The following EPGN variants were observed in gnomAD, a reference collection of about 807,000 sequenced individuals.
EPGN encodes epigen.
In EPGN, 21 loss-of-function variants were observed where a neutral mutation model predicts 20.7. The ratio of observed to expected loss-of-function variants is 1.01; its 90% CI spans 0.72 to 1.46. EPGN has a LOEUF of 1.46. EPGN is among the 40% of genes most tolerant of loss of function. The pLI, the probability that EPGN is intolerant of heterozygous loss-of-function variation, is 0.00. For missense variants in EPGN, 199 were observed against 180.7 expected (o/e 1.10, Z -0.58); for synonymous variants, 69 against 63.8 (o/e 1.08, Z -0.39).
In EPGN at chr4:74,314,685, C is replaced by A; in HGVS notation, c.*48C>A. 1 of 1,496,174 alleles carries A rather than the reference C, an allele frequency of 6.7e-7. No individual in the cohort carries two copies. Among genetic ancestry groups the A allele is most frequent in the Non-Finnish European group, 8.9e-7 (1 of 1,118,120 alleles). 92.7% of individuals were successfully genotyped at this position (1,496,174 alleles called of 1,614,324 possible). A position where few individuals can be genotyped will look rare whatever the true frequency, so the allele number is the denominator to read the frequency against. ...CAAGGCATCTGTAGAGATCAGTGAG[C>A]CCAAAATTAAAGTTTTCAGATGAAA... On this transcript the variant is annotated 3_prime_UTR_variant, in exon 5 of 5. Transcript: ENST00000413830.
intron 4 of EPGN, 101 bp downstream of exon 4, chr4:74,313,271 T>C: frequency 2.8e-6 from 4 of 1,428,912 alleles, no homozygotes; most frequent in Non-Finnish European, 3.6e-6. Flanking sequence ...TAAAATTTTT[T>C]TAATTAAAAA....
In EPGN at chr4:74,313,205, T is replaced by G. The variant is rs768540442; in HGVS notation, c.407+35T>G. ...AGACAAAATATGAAGTCACTTCATATGCAATCGTTTGACAAATAGTTATTC... is the reference window on the plus strand; with the variant it reads ...AGACAAAATATGAAGTCACTTCATAGGCAATCGTTTGACAAATAGTTATTC... On this transcript the variant is annotated intron_variant, in intron 4 of 4. Transcript: ENST00000413830. 7 of 1,588,784 alleles carry G rather than the reference T, an allele frequency of 4.4e-6. No individual in the cohort carries two copies. In the East Asian group the frequency reaches 1.4e-4, roughly 31 times the overall value.
Position 74,314,630 on chromosome 4 carries a change from C to T in EPGN, c.458C>T (p.Pro153Leu). 1 of 1,535,904 alleles carries T rather than the reference C, an allele frequency of 6.5e-7. No homozygotes were observed. Among genetic ancestry groups the T allele is most frequent in the Non-Finnish European group, 8.7e-7 (1 of 1,146,786 alleles). Residue 153 changes from proline to leucine, a missense_variant, in exon 5 of 5, where the codon CCA becomes CTA. Pro to Leu is a moderately conservative substitution (Grantham distance 98). Coordinates refer to ENST00000413830, the MANE Select transcript of EPGN (RefSeq NM_001270989.2). The stretch of plus-strand genomic sequence containing the variant: ...AATGTCTGTTCTGGAGAAAGACGAC[C>T]ACTGTGAGGCCTTTGTGAAGAATTT... ...PYNVCSGERR[P>L]L
Position 74,314,481 on chromosome 4 carries a change from G to A in EPGN, c.408-99G>A, listed in dbSNP as rs148006438. 4.1e-4 allele frequency: 478 copies of A among 1,177,122 alleles called. 4 individuals are homozygous for A. In the East Asian group the frequency reaches 9.8e-3, roughly 24 times the overall value. 72.9% of individuals were successfully genotyped at this position (1,177,122 alleles called of 1,614,324 possible). A position where few individuals can be genotyped will look rare whatever the true frequency, so the allele number is the denominator to read the frequency against. ...CCAATGGGTAAAGGGGATCTGGGTGGGACACCAAGAGCAACTGCTGCAGGG... is the reference window on the plus strand; with the variant it reads ...CCAATGGGTAAAGGGGATCTGGGTGAGACACCAAGAGCAACTGCTGCAGGG... On this transcript the variant is annotated intron_variant, in intron 4 of 4. Transcript: ENST00000413830.
intron 4 of EPGN, chr4:74,314,172 A>G (rs1436829922): frequency 2.2e-6 from 1 of 461,622 alleles, no homozygotes; most frequent in Non-Finnish European, 4.3e-6. Context: ...GAGCACAAGA[A>G]GAAGCTAAGC....
intron 2 of EPGN, 94 bp from the exon 3 acceptor site, chr4:74,312,091 C>G: frequency 1.4e-6 from 2 of 1,394,234 alleles, no homozygotes. Flanking sequence ...CCCCAAATAT[C>G]CTTAAAATTA....
At chr4:74,314,297 C>A in intron 4 of EPGN, 1 of 528,832 alleles carries the variant, frequency 1.9e-6, no homozygotes, top group Admixed American at 2.8e-5. Context: ...TTTCAATATC[C>A]CATATTATTC....
chr4:74,314,327 G>A (rs1751158714), intron 4 of EPGN: 2 of 574,704 alleles, frequency 3.5e-6, no homozygotes, highest in African/African-American at 3.7e-5. Context: ...TTCATGTGGG[G>A]TAAGGAACAG....
Position 74,313,570 on chromosome 4 carries a change from C to A in EPGN, c.407+400C>A. On this transcript the variant is annotated intron_variant, in intron 4 of 4. Transcript: ENST00000413830. ...AAATATTTGTTGAGTGAAATAAAAT[C>A]AAGAAACAAGTAAAAACTGAATAAA... 4 of 1,038,844 alleles carry A rather than the reference C, an allele frequency of 3.9e-6. No individual in the cohort carries two copies. In the South Asian group the frequency reaches 1.8e-4, roughly 47 times the overall value. The allele number at this position is 1,038,844 out of a possible 1,614,324, so 64.4% of individuals were successfully genotyped here.
In EPGN at chr4:74,312,998, CTT is replaced by C; in HGVS notation, c.255-14_255-13del. On this transcript the variant is annotated intron_variant, in intron 3 of 4. Coordinates refer to ENST00000413830, the MANE Select transcript of EPGN (RefSeq NM_001270989.2). ...TACCACCGTAGGTTTTAAAATTAAA[CTT>C]TTTTTCTTTTTTTAAAGGTGTTTTA... 1 of 1,565,370 alleles carries C rather than the reference CTT, an allele frequency of 6.4e-7. No homozygotes were observed.
intron 4 of EPGN, 175 bp downstream of exon 4, chr4:74,313,345 A>C: frequency 7.2e-7 from 1 of 1,398,568 alleles, no homozygotes; most frequent in Non-Finnish European, 9.2e-7. Context: ...ATAAACCCAG[A>C]CGAGTGGTAA....
chr4:74,312,737 A>C (rs1452412906), intron 3 of EPGN, among the ~76,000 whole-genome samples: 2 of 152,216 alleles, frequency 1.3e-5, no homozygotes, highest in Non-Finnish European at 2.9e-5. Flanking sequence ...TGATTTGCTC[A>C]GTATTCGCCT....
rs149098980 is a variant in EPGN, at chr4:74,312,314, A to G, written c.254+9A>G. 20 of 1,607,206 alleles carry G rather than the reference A, an allele frequency of 1.2e-5. No homozygotes were observed. The African/African-American group carries it at 2.3e-4, about 18-fold the overall frequency. Reference sequence around the variant, plus strand: ...GAGAAAGCCATCTGCAGGTAAATGCAAAGAAATATCCAAGTCCTAGAGACA... The same window carrying G: ...GAGAAAGCCATCTGCAGGTAAATGCGAAGAAATATCCAAGTCCTAGAGACA... On this transcript the variant is annotated intron_variant, in intron 3 of 4. Transcript: ENST00000413830.
chr4:74,312,300 C>T lies in EPGN; in HGVS notation c.249C>T (p.Ile83=), dbSNP rs1751012551. 6.2e-7 allele frequency: 1 copy of T among 1,608,558 alleles called. No homozygotes were observed. The highest frequency in any genetic ancestry group is 1.1e-5 in the South Asian group (1 of 89,648). ...TCCACCATGAGCTAGAGAAAGCCAT[C>T]TGCAGGTAAATGCAAAGAAATATCC... ...CAFHHELEKA[I]CRCFTGYTGE... is the part of the protein sequence containing the mutation. The change falls in exon 3 of 5, where the codon ATC becomes ATT. Residue 83 remains isoleucine (I), a synonymous_variant. Coordinates refer to ENST00000413830, the MANE Select transcript of EPGN (RefSeq NM_001270989.2).
intron 2 of EPGN, 53 bp downstream of exon 2, chr4:74,309,235 G>T (rs1389158793): frequency 2.7e-6 from 4 of 1,503,238 alleles, no homozygotes; most frequent in Non-Finnish European, 3.7e-6. Context: ...ACTTGGGAGA[G>T]AAATTTGGAT....
In EPGN at chr4:74,312,175, CT is replaced by C; in HGVS notation, c.134-6del. 2 of 1,589,642 alleles carry C rather than the reference CT, an allele frequency of 1.3e-6. No homozygotes were observed. Among genetic ancestry groups the C allele is most frequent in the Non-Finnish European group, 1.7e-6 (2 of 1,171,598 alleles). On this transcript the variant is annotated splice_polypyrimidine_tract_variant and intron_variant, in intron 2 of 4. Coordinates refer to ENST00000413830, the MANE Select transcript of EPGN (RefSeq NM_001270989.2). ...ATTTCATTTGCTAACATTGTATCTC[CT>C]TTTCCTAGCTGACAACATAGAAGGA...
At chr4:74,314,277 G>A in intron 4 of EPGN, 3 of 504,158 alleles carry the variant, frequency 6.0e-6, no homozygotes, top group Non-Finnish European at 1.1e-5. Context: ...AAGGAGATGA[G>A]GCATCTGGAT....
chr4:74,310,270 T>C (rs1750831313), intron 2 of EPGN, among the ~76,000 whole-genome samples: 1 of 151,906 alleles, frequency 6.6e-6, no homozygotes, highest in African/African-American at 2.4e-5. Flanking sequence ...GAGACCAGCC[T>C]GGGCAACATG....
rs561205420 is a variant in EPGN at position 74,315,373 on chromosome 4, T to C, written c.*736T>C. ...AGCATTTCCATTTCTACATGGATTA[T>C]AAAACTTTGTGTTGGACTCATTGGT... is the stretch of plus-strand genomic sequence containing the variant. On this transcript the variant is annotated 3_prime_UTR_variant, in exon 5 of 5. Coordinates refer to ENST00000413830, the MANE Select transcript of EPGN (RefSeq NM_001270989.2). The C allele has an allele frequency of 1.3e-5, 2 of 152,342 alleles. No homozygotes were observed. Among genetic ancestry groups the C allele is most frequent in the East Asian group, 3.9e-4 (2 of 5,186 alleles). The allele number at this position is 152,342 out of a possible 1,614,324, so 9.4% of individuals were successfully genotyped here.
Sources: allele counts gnomAD v4.1 joint callset (sites outside exome capture counted in the v4.1 genomes callset), GRCh38; gene constraint gnomAD v4.1.1; transcripts MANE v1.5; gene names NCBI Gene and HGNC (gene_info 2026-07-23, HGNC 2026-07-21).